The following EEIG1 variants were observed in gnomAD, a reference collection of about 807,000 sequenced individuals.
EEIG1 encodes the protein early estrogen-induced gene 1 protein.
chr9:127,974,505 C>T, the EEIG1 span, among the ~76,000 whole-genome samples: 3 of 152,314 alleles, frequency 2.0e-5, no homozygotes, highest in South Asian at 6.2e-4. Context: ...CTTCAAGGCT[C>T]CCAGGAAGGG....
the EEIG1 span, among the ~76,000 whole-genome samples, chr9:127,958,151 C>T: frequency 8.7e-3 from 1,328 of 152,202 alleles, 23 homozygotes; most frequent in African/African-American, 0.03. Flanking sequence ...GAATGAAGTG[C>T]GTGTGTGAGG....
At chr9:127,945,051 T>C in the EEIG1 span, among the ~76,000 whole-genome samples, 2 of 151,968 alleles carry the variant, frequency 1.3e-5, no homozygotes, top group Non-Finnish European at 2.9e-5. This position sits in a 1 kb window ranked among gnomAD's most constrained non-coding sequence, Gnocchi z 6.5. Flanking sequence ...ACATGCACAA[T>C]AGGGTGCAGC....
At chr9:127,972,314 C>T in the EEIG1 span, among the ~76,000 whole-genome samples, 1 of 152,192 alleles carries the variant, frequency 6.6e-6, no homozygotes, top group Non-Finnish European at 1.5e-5. This position sits in a 1 kb window ranked among gnomAD's most constrained non-coding sequence, Gnocchi z 4.3. Context: ...CCCCACCCTG[C>T]CCCGAGTGCA....
chr9:127,946,960 C>A, the EEIG1 span, among the ~76,000 whole-genome samples: 1 of 152,106 alleles, frequency 6.6e-6, no homozygotes, highest in Non-Finnish European at 1.5e-5. Context: ...GGGGGCCCTG[C>A]TTAGGGTTGA....
At chr9:127,945,377 G>T in the EEIG1 span, 1 of 1,585,600 alleles carries the variant, frequency 6.3e-7, no homozygotes, top group South Asian at 1.1e-5. The surrounding 1 kb of genome is among the most constrained non-coding windows in gnomAD (Gnocchi z 6.5). Flanking sequence ...CTGAAAGAGC[G>T]ATCGGACAGA....
chr9:127,979,920 T>G, the EEIG1 span: 1 of 1,528,910 alleles, frequency 6.5e-7, no homozygotes, highest in South Asian at 1.3e-5. Flanking sequence ...AAGGGGCCCT[T>G]CCACACTTGC....
At chr9:127,966,911 C>T in the EEIG1 span, among the ~76,000 whole-genome samples, 1 of 152,214 alleles carries the variant, frequency 6.6e-6, no homozygotes, top group African/African-American at 2.4e-5. Context: ...TTCAGGAACC[C>T]ACCCCCACTT....
chr9:127,950,823 G>T, the EEIG1 span: 2 of 600,816 alleles, frequency 3.3e-6, no homozygotes, highest in South Asian at 5.8e-5. Context: ...TGACATGAAA[G>T]GACATTGTTG....
chr9:127,959,611 C>T, the EEIG1 span, among the ~76,000 whole-genome samples: 21 of 152,188 alleles, frequency 1.4e-4, no homozygotes, highest in Non-Finnish European at 3.1e-4. Flanking sequence ...ATGCTGTTAA[C>T]ATGAGTGAGT....
At chr9:127,948,238 G>C in the EEIG1 span, 1 of 1,613,728 alleles carries the variant, frequency 6.2e-7, no homozygotes, top group Admixed American at 1.7e-5. Context: ...TGGGAAGACA[G>C]ACAGGTGTGA....
the EEIG1 span, among the ~76,000 whole-genome samples, chr9:127,969,403 C>T: frequency 2.0e-5 from 3 of 152,310 alleles, no homozygotes; most frequent in Non-Finnish European, 4.4e-5. Context: ...TTCCTTTCTG[C>T]TCTCACCCCT....
chr9:127,975,562 A>G, the EEIG1 span, among the ~76,000 whole-genome samples: 1 of 152,058 alleles, frequency 6.6e-6, no homozygotes, highest in African/African-American at 2.4e-5. Flanking sequence ...GCCCAAGTCC[A>G]CTCAGCTACG....
chr9:127,969,085 G>A, the EEIG1 span, among the ~76,000 whole-genome samples: 78 of 152,322 alleles, frequency 5.1e-4, no homozygotes, highest in African/African-American at 1.4e-3. Flanking sequence ...AAAACCCTTA[G>A]GGGCTGCTAC....
chr9:127,977,404 A>G, the EEIG1 span, among the ~76,000 whole-genome samples: 1 of 152,260 alleles, frequency 6.6e-6, no homozygotes, highest in Non-Finnish European at 1.5e-5. Context: ...TGGAAAGGCC[A>G]ACAGGTAGGG....
At chr9:127,954,507 A>T in the EEIG1 span, among the ~76,000 whole-genome samples, 201 of 152,306 alleles carry the variant, frequency 1.3e-3, no homozygotes, top group African/African-American at 4.8e-3. Context: ...GCTGATACCC[A>T]CACAGTGATT....
chr9:127,956,710 C>CATTATT, the EEIG1 span, among the ~76,000 whole-genome samples: 44 of 149,450 alleles, frequency 2.9e-4, no homozygotes, highest in Admixed American at 8.0e-4. Context: ...CACACCCGGC[C>CATTATT]ATTATTATTA....
the EEIG1 span, among the ~76,000 whole-genome samples, chr9:127,974,847 C>T: frequency 6.6e-6 from 1 of 152,206 alleles, no homozygotes; most frequent in African/African-American, 2.4e-5. Flanking sequence ...GGCACACGTG[C>T]CCACCAGCCT....
At chr9:127,957,774 G>T in the EEIG1 span, among the ~76,000 whole-genome samples, 1 of 152,228 alleles carries the variant, frequency 6.6e-6, no homozygotes, top group Non-Finnish European at 1.5e-5. Context: ...ATACAACTGA[G>T]ATTATCCAGT....
chr9:127,950,487 A>G, the EEIG1 span: 8 of 1,613,918 alleles, frequency 5.0e-6, no homozygotes, highest in Non-Finnish European at 6.8e-6. Context: ...GCAGCAGCGC[A>G]CCGTGGAGCC....
Sources: gnomAD v4.1 joint callset for allele counts (sites outside exome capture counted in the v4.1 genomes callset) on GRCh38, gnomAD v4.1.1 for gene constraint, Gnocchi (gnomAD v3.1) non-coding constraint, MANE v1.5 for transcripts, NCBI Gene and HGNC (gene_info 2026-07-23, HGNC 2026-07-21) for gene names.